The following LHFPL3 variants were observed in gnomAD, a reference collection of about 807,000 sequenced individuals.
LHFPL3 encodes the protein LHFPL tetraspan subfamily member 3.
In LHFPL3, 5 loss-of-function variants were observed where a neutral mutation model predicts 19.3. That is an observed-to-expected ratio of 0.26 (90% CI 0.14 to 0.54). The LOEUF (loss-of-function observed/expected upper bound fraction) is 0.54, where lower values mean the gene tolerates loss of function less well. Among genes scored for constraint, LHFPL3 ranks in the 20% least tolerant of loss-of-function variants. The pLI, the probability that LHFPL3 is intolerant of heterozygous loss-of-function variation, is 0.94. For synonymous variants in LHFPL3, 133 were observed against 126.2 expected, an observed-to-expected ratio of 1.05 and a Z score of -0.36; for missense variants, 249 against 307.4, an observed-to-expected ratio of 0.81 and a Z score of 1.42.
In LHFPL3 at chr7:104,329,244, C is replaced by G. The variant is rs1017602670; in HGVS notation, c.445+20C>G. Reference sequence around the variant, plus strand: ...CCTCCGGTGAGTGCGCGCTCACCTCCGCGGAGGCGGAGGACCCCGGGGCGC... The same window carrying G: ...CCTCCGGTGAGTGCGCGCTCACCTCGGCGGAGGCGGAGGACCCCGGGGCGC... On this transcript the variant is annotated intron_variant, in intron 1 of 2. Transcript: ENST00000424859. 6.4e-7 allele frequency: 1 copy of G among 1,566,540 alleles called. No individual in the cohort carries two copies. Among genetic ancestry groups the G allele is most frequent in the Non-Finnish European group, 8.7e-7 (1 of 1,153,540 alleles).
At chr7:104,870,945 G>A (rs1363458768) in intron 2 of LHFPL3, among the ~76,000 whole-genome samples, 2 of 152,206 alleles carry the variant, frequency 1.3e-5, no homozygotes, top group African/African-American at 2.4e-5. Context: ...TCTATAGGCA[G>A]TGTAAATGAA....
intron 1 of LHFPL3, among the ~76,000 whole-genome samples, chr7:104,733,354 T>C (rs1254269460): frequency 6.6e-6 from 1 of 152,164 alleles, no homozygotes. Context: ...TGTGTGGGAG[T>C]CTAAGTCTCT....
At chr7:104,671,383 A>C (rs1792479304) in intron 1 of LHFPL3, among the ~76,000 whole-genome samples, 1 of 151,978 alleles carries the variant, frequency 6.6e-6, no homozygotes, top group South Asian at 2.1e-4. Context: ...TGTCCCCCCC[A>C]TTAAAATAGA....
At chr7:104,901,560 T>C (rs1391278707) in intron 2 of LHFPL3, among the ~76,000 whole-genome samples, 2 of 151,910 alleles carry the variant, frequency 1.3e-5, no homozygotes, top group Non-Finnish European at 2.9e-5. Context: ...CAAGCTTTTT[T>C]GTTTTTTTGT....
intron 2 of LHFPL3, among the ~76,000 whole-genome samples, chr7:104,884,176 C>T (rs908352454): frequency 2.6e-5 from 4 of 152,188 alleles, no homozygotes; most frequent in African/African-American, 7.2e-5. Context: ...ACGCCAGAAG[C>T]CTGGGGTTGT....
intron 1 of LHFPL3, among the ~76,000 whole-genome samples, chr7:104,398,614 T>C (rs2040584): frequency 0.39 from 58,709 of 152,026 alleles, 11,767 homozygotes; most frequent in Admixed American, 0.5. Flanking sequence ...TTTCTTATCC[T>C]ATTTTTCAAA....
chr7:104,863,353 C>G (rs531865112), intron 2 of LHFPL3, among the ~76,000 whole-genome samples: 1 of 152,192 alleles, frequency 6.6e-6, no homozygotes, highest in Non-Finnish European at 1.5e-5. Context: ...TTTTACAGAG[C>G]ATTTGCTGAC....
intron 1 of LHFPL3, among the ~76,000 whole-genome samples, chr7:104,685,579 CAG>C (rs1792789309): frequency 1.3e-5 from 2 of 152,162 alleles, no homozygotes; most frequent in Non-Finnish European, 1.5e-5. Flanking sequence ...TTTTGAGAGT[CAG>C]AGTATAAGAG....
At chr7:104,343,559 T>G in intron 1 of LHFPL3, among the ~76,000 whole-genome samples, 1 of 128,438 alleles carries the variant, frequency 7.8e-6, no homozygotes, top group Admixed American at 8.5e-5. Context: ...AAAGCCAAGC[T>G]TGAATTTATA....
chr7:104,391,275 A>G, intron 1 of LHFPL3, among the ~76,000 whole-genome samples: 1 of 152,160 alleles, frequency 6.6e-6, no homozygotes, highest in Non-Finnish European at 1.5e-5. Flanking sequence ...TATGTCCTGA[A>G]TGGTACTGCC....
intron 1 of LHFPL3, among the ~76,000 whole-genome samples, chr7:104,440,818 G>A (rs1277106932): frequency 1.3e-5 from 2 of 152,098 alleles, no homozygotes; most frequent in African/African-American, 2.4e-5. Context: ...AGTGAGACAA[G>A]CGGTTCATTT....
At chr7:104,815,740 C>G (rs751513465) in intron 2 of LHFPL3, among the ~76,000 whole-genome samples, 1 of 152,166 alleles carries the variant, frequency 6.6e-6, no homozygotes, top group Non-Finnish European at 1.5e-5. Context: ...CCACCCCACA[C>G]AGTAGAGTCT....
chr7:104,575,559 T>TAAAAAAAAAAAAAAAAAAAAA lies in LHFPL3; in HGVS notation c.446-161109_446-161089dup, dbSNP rs58118006. ...ACAGCTGATAGTGTCCAAAGAGATC[T>TAAAAAAAAAAAAAAAAAAAAA]AAAAAAAAAAAAAAAAAAAAAAAAA... On this transcript the variant is annotated intron_variant, in intron 1 of 2. Coordinates refer to ENST00000424859, the MANE Select transcript of LHFPL3 (RefSeq NM_199000.3). Among the ~76,000 whole-genome samples, 16 of 36,170 alleles carry TAAAAAAAAAAAAAAAAAAAAA rather than the reference T, an allele frequency of 4.4e-4. 1 individual carries two copies. The highest frequency in any genetic ancestry group is 7.1e-4 in the African/African-American group (9 of 12,744). The allele number at this position is 36,170 out of a possible 152,430, so 23.7% of individuals were successfully genotyped here.
At chr7:104,507,162 C>G (rs9691431) in intron 1 of LHFPL3, among the ~76,000 whole-genome samples, 44,847 of 151,692 alleles carry the variant, frequency 0.3, 7,269 homozygotes, top group Middle Eastern at 0.4. Flanking sequence ...CAATCCTAAG[C>G]CAAAAGAACA....
At chr7:104,866,138 C>A (rs535352990) in intron 2 of LHFPL3, among the ~76,000 whole-genome samples, 109 of 152,258 alleles carry the variant, frequency 7.2e-4, no homozygotes, top group African/African-American at 2.6e-3. Context: ...ATTGTAAAGA[C>A]CATCAATGCT....
In LHFPL3 at chr7:104,845,430, G is replaced by C. The variant is rs1421970391; in HGVS notation, c.683-60757G>C. On this transcript the variant is annotated intron_variant, in intron 2 of 2. Coordinates refer to ENST00000424859, the MANE Select transcript of LHFPL3 (RefSeq NM_199000.3). ...CTAAGGTAGTGTGAGACCACACCAT[G>C]TAAGTGTGAGCATGGCTTTGTGGGT... The C allele has an allele frequency of 1.0e-5, 16 of 1,535,928 alleles. No individual in the cohort carries two copies. The Admixed American group carries it at 3.1e-4, about 30-fold the overall frequency.
At chr7:104,510,807 C>A (rs1584369839) in intron 1 of LHFPL3, among the ~76,000 whole-genome samples, 4 of 152,122 alleles carry the variant, frequency 2.6e-5, no homozygotes, top group South Asian at 4.2e-4. Flanking sequence ...GAACAGAAAA[C>A]CAAATACCAC....
chr7:104,741,271 T>C (rs902205068), intron 2 of LHFPL3, among the ~76,000 whole-genome samples: 2 of 152,072 alleles, frequency 1.3e-5, no homozygotes, highest in Admixed American at 1.3e-4. Context: ...AGATTTATCA[T>C]AAATTGTAAA....
intron 2 of LHFPL3, among the ~76,000 whole-genome samples, chr7:104,813,068 CAT>C: frequency 2.0e-5 from 3 of 152,040 alleles, no homozygotes. Flanking sequence ...GAGCCGAGAT[CAT>C]GCCACTGCAC....
Sources: gnomAD v4.1 joint callset for allele counts (sites outside exome capture counted in the v4.1 genomes callset) on GRCh38, gnomAD v4.1.1 for gene constraint, MANE v1.5 for transcripts, NCBI Gene and HGNC (gene_info 2026-07-23, HGNC 2026-07-21) for gene names.